Variants in DNAJC6 observed in about 807,000 individuals in gnomAD.
The protein encoded by DNAJC6 is auxilin.
A neutral mutation model predicts 110.0 loss-of-function variants in DNAJC6; 34 were observed. That is an observed-to-expected ratio of 0.31 (90% CI 0.24 to 0.41). The LOEUF (loss-of-function observed/expected upper bound fraction) is 0.41. DNAJC6 is among the 10% of genes least tolerant of loss of function. The pLI is 1.00. For missense variants in DNAJC6, 1,031 were observed against 1,207.8 expected (o/e 0.85, Z 2.17); for synonymous variants, 406 against 437.2 (o/e 0.93, Z 0.89).
In DNAJC6 at chr1:65,329,625, T is replaced by C. The variant is rs1464625743; in HGVS notation, c.193+19687T>C. Among the ~76,000 whole-genome samples, 4 of 152,062 alleles carry C rather than the reference T, an allele frequency of 2.6e-5. No homozygotes were observed. The East Asian group carries it at 5.8e-4, about 22-fold the overall frequency. ...CGTGTAGCCAGATTAGTGGCAGAAATAGATTCAAATCCAAAACTGTCTGTT... is the reference window on the plus strand; with the variant it reads ...CGTGTAGCCAGATTAGTGGCAGAAACAGATTCAAATCCAAAACTGTCTGTT... On this transcript the variant is annotated intron_variant, in intron 1 of 18. Coordinates refer to ENST00000371069, the MANE Select transcript of DNAJC6 (RefSeq NM_001256864.2).
At chr1:65,313,999 A>G (rs1035004063) in intron 1 of DNAJC6, among the ~76,000 whole-genome samples, 2 of 152,352 alleles carry the variant, frequency 1.3e-5, no homozygotes, top group East Asian at 1.9e-4. Flanking sequence ...AAGTGTTCCA[A>G]TATTGGGCTT....
At chr1:65,285,423 G>A (rs1232347617) in intron 1 of DNAJC6, among the ~76,000 whole-genome samples, 1 of 152,106 alleles carries the variant, frequency 6.6e-6, no homozygotes, top group Non-Finnish European at 1.5e-5. Flanking sequence ...CTTTGTCAAA[G>A]ACCCTTTCCC....
intron 1 of DNAJC6, among the ~76,000 whole-genome samples, chr1:65,359,060 A>G (rs1420665507): frequency 2.0e-5 from 3 of 152,212 alleles, no homozygotes; most frequent in Non-Finnish European, 4.4e-5. Context: ...ATGTTTATGA[A>G]AAGCAGCCAC....
chr1:65,307,371 T>A (rs1645054190), upstream of DNAJC6, among the ~76,000 whole-genome samples: 1 of 152,092 alleles, frequency 6.6e-6, no homozygotes, highest in African/African-American at 2.4e-5. Flanking sequence ...AGATTTTTCT[T>A]TACACTTGCA....
chr1:65,311,773 A>G (rs946884435), intron 1 of DNAJC6, among the ~76,000 whole-genome samples: 18 of 152,220 alleles, frequency 1.2e-4, no homozygotes, highest in Non-Finnish European at 2.4e-4. Context: ...AAGAAATATG[A>G]AATACATATG....
intron 1 of DNAJC6, among the ~76,000 whole-genome samples, chr1:65,357,215 G>A (rs201649790): frequency 1.1e-3 from 165 of 152,218 alleles, no homozygotes; most frequent in African/African-American, 3.9e-3. Context: ...TTAACATTGT[G>A]ACTCTTAACC....
Position 65,309,757 on chromosome 1 carries a change from C to T in DNAJC6, c.12C>T (p.Leu4=), listed in dbSNP as rs751543013. MSL[L]GSYRKKTSND... is the part of the protein sequence containing the mutation. ...CTCCGGGCTTGCCCATGAGCCTCCT[C>T]GGGAGCTACCGGAAAAAGACCAGCA... Residue 4 remains leucine, a synonymous_variant, in exon 1 of 19, where the codon CTC becomes CTT. Coordinates refer to ENST00000371069, the MANE Select transcript of DNAJC6 (RefSeq NM_001256864.2). 1 of 1,547,392 alleles carries T rather than the reference C, an allele frequency of 6.5e-7. No individual in the cohort carries two copies. Among genetic ancestry groups the T allele is most frequent in the Non-Finnish European group, 8.7e-7 (1 of 1,145,610 alleles).
chr1:65,408,771 T>C lies in DNAJC6; in HGVS notation c.2622T>C (p.Pro874=), dbSNP rs1275235467. Residue 874 remains proline, a synonymous_variant, in exon 17 of 19, where the codon CCT becomes CCC. Coordinates refer to ENST00000371069, the MANE Select transcript of DNAJC6 (RefSeq NM_001256864.2). ...AGGAAATGGCCAAGGAAATGGATCC[T>C]GAGAAATTAAAGGTGAGTGAGGCCC... ...RKEEMAKEMD[P]EKLKILEWIE... 6 of 1,612,238 alleles carry C rather than the reference T, an allele frequency of 3.7e-6. No homozygotes were observed. In the African/African-American group the frequency reaches 8.0e-5, roughly 22 times the overall value.
At chr1:65,365,806 A>C in intron 2 of DNAJC6, 79 bp from the exon 3 acceptor site, 25 of 1,468,676 alleles carry the variant, frequency 1.7e-5, no homozygotes, top group Non-Finnish European at 2.4e-5. Flanking sequence ...CCCAGTTCAT[A>C]TGCGCAAGTG....
intron 4 of DNAJC6, among the ~76,000 whole-genome samples, chr1:65,371,777 C>T (rs1317699792): frequency 6.6e-6 from 1 of 152,074 alleles, no homozygotes; most frequent in Non-Finnish European, 1.5e-5. Flanking sequence ...TAAGCAAGCC[C>T]AGGAGATGTT....
chr1:65,395,401 A>T (rs1173112817), intron 13 of DNAJC6, among the ~76,000 whole-genome samples: 1 of 152,230 alleles, frequency 6.6e-6, no homozygotes, highest in Non-Finnish European at 1.5e-5. Context: ...TTGGTTAGAG[A>T]AATCTTTGAA....
upstream of DNAJC6, among the ~76,000 whole-genome samples, chr1:65,309,140 C>G (rs972917318): frequency 1.3e-5 from 2 of 152,114 alleles, no homozygotes; most frequent in African/African-American, 4.8e-5. Flanking sequence ...CTGGATTTTA[C>G]CACAAGACCC....
chr1:65,309,361 T>A (rs1212861660), upstream of DNAJC6, among the ~76,000 whole-genome samples: 1 of 150,032 alleles, frequency 6.7e-6, no homozygotes. Flanking sequence ...GGCGCTGCCC[T>A]GCTGCGCGGC....
At chr1:65,371,324 A>G (rs1232638135) in intron 4 of DNAJC6, among the ~76,000 whole-genome samples, 1 of 151,850 alleles carries the variant, frequency 6.6e-6, no homozygotes, top group Non-Finnish European at 1.5e-5. Flanking sequence ...CTCTCCTTGG[A>G]CTCGTTTTTC....
Position 65,413,229 on chromosome 1 carries a change from A to G in DNAJC6, c.*204A>G. 5.9e-6 allele frequency: 3 copies of G among 511,750 alleles called. No homozygotes were observed. The South Asian group carries it at 6.8e-5, about 12-fold the overall frequency. 31.7% of individuals were successfully genotyped at this position (511,750 alleles called of 1,614,324 possible). The stretch of plus-strand genomic sequence containing the variant: ...GTTCCCACCATAAAAGATCCAAAGC[A>G]TGAGAGGAACTTCTAGTCAGATGAC... On this transcript the variant is annotated 3_prime_UTR_variant, in exon 19 of 19. Transcript: ENST00000371069.
At chr1:65,281,274 A>G (rs1653834934) in intron 1 of DNAJC6, among the ~76,000 whole-genome samples, 1 of 152,084 alleles carries the variant, frequency 6.6e-6, no homozygotes, top group South Asian at 2.1e-4. Context: ...TTCCTTTTTT[A>G]AAATTGAGAT....
At chr1:65,348,327 G>A (rs557633774) in intron 1 of DNAJC6, among the ~76,000 whole-genome samples, 17 of 152,242 alleles carry the variant, frequency 1.1e-4, no homozygotes, top group African/African-American at 3.1e-4. Flanking sequence ...GTCAATTAGG[G>A]CAATGTAGTA....
intron 4 of DNAJC6, among the ~76,000 whole-genome samples, chr1:65,369,190 C>T (rs1645682064): frequency 6.6e-6 from 1 of 152,178 alleles, no homozygotes; most frequent in Admixed American, 6.5e-5. Context: ...TCCAGATAGT[C>T]CTAGAATTTG....
chr1:65,362,336 T>A (rs893687508), intron 1 of DNAJC6, among the ~76,000 whole-genome samples: 3 of 152,240 alleles, frequency 2.0e-5, no homozygotes, highest in African/African-American at 7.2e-5. Context: ...AAGTGTTATA[T>A]ATAAGTTAGC....
Sources: gnomAD v4.1 joint callset for allele counts (sites outside exome capture counted in the v4.1 genomes callset) on GRCh38, gnomAD v4.1.1 for gene constraint, MANE v1.5 for transcripts, NCBI Gene and HGNC (gene_info 2026-07-23, HGNC 2026-07-21) for gene names.